CNTN4: variants seen among roughly 807,000 people sequenced by gnomAD.
CNTN4 encodes contactin-4.
In CNTN4, 77 loss-of-function variants were observed where a neutral mutation model predicts 122.5. The observed-to-expected ratio is 0.63, with a 90% CI of 0.52 to 0.76. The LOEUF (loss-of-function observed/expected upper bound fraction) is 0.76. CNTN4 is among the 30% of genes least tolerant of loss of function. CNTN4 has a pLI of 0.00. For synonymous variants in CNTN4, 512 were observed against 447.0 expected (o/e 1.15, Z -1.83); for missense variants, 1,256 against 1,259.1 (o/e 1.00, Z 0.04).
At chr3:2,750,168 C>A (rs541012225) in intron 6 of CNTN4, among the ~76,000 whole-genome samples, 1 of 152,310 alleles carries the variant, frequency 6.6e-6, no homozygotes, top group East Asian at 1.9e-4. Flanking sequence ...CAAGGAAAGG[C>A]AGTCTTCAGC....
chr3:3,037,967 GC>G (rs1238418828), intron 18 of CNTN4, among the ~76,000 whole-genome samples: 1 of 152,160 alleles, frequency 6.6e-6, no homozygotes, highest in Non-Finnish European at 1.5e-5. Context: ...AAAGCAAGAG[GC>G]CTACATGTGC....
chr3:2,635,311 G>C (rs1053803729), intron 4 of CNTN4, among the ~76,000 whole-genome samples: 1 of 152,126 alleles, frequency 6.6e-6, no homozygotes, highest in Non-Finnish European at 1.5e-5. Flanking sequence ...ATACCAAACT[G>C]TAATTGGAAA....
rs1251612485 is a variant in CNTN4 at position 2,322,311 on chromosome 3, T to C, written c.-144-16867T>C. Among the ~76,000 whole-genome samples the C allele has an allele frequency of 2.6e-5, 4 of 152,168 alleles. No individual in the cohort carries two copies. The East Asian group carries it at 5.8e-4, about 22-fold the overall frequency. ...ACCCACATGTCCATCAATGTGTGAA[T>C]GGATAAACAAAACATGGTGTAAACA... On this transcript the variant is annotated intron_variant, in intron 2 of 24. Coordinates refer to ENST00000418658, the MANE Select transcript of CNTN4 (RefSeq NM_175607.3).
Position 2,242,292 on chromosome 3 carries a change from A to G in CNTN4, c.-144-96886A>G, listed in dbSNP as rs144574781. 3.3e-5 allele frequency among the ~76,000 whole-genome samples: 5 copies of G among 152,238 alleles called. No homozygotes were observed. In the East Asian group the frequency reaches 9.7e-4, roughly 29 times the overall value. On this transcript the variant is annotated intron_variant, in intron 2 of 24. Coordinates refer to ENST00000418658, the MANE Select transcript of CNTN4 (RefSeq NM_175607.3). Reference sequence around the variant, plus strand: ...CCACTACCATGTCATAGAATGTACTATATGCATTCACGTGTTTCATCTGAT... The same window carrying G: ...CCACTACCATGTCATAGAATGTACTGTATGCATTCACGTGTTTCATCTGAT...
intron 3 of CNTN4, among the ~76,000 whole-genome samples, chr3:2,508,879 A>C (rs985976059): frequency 6.6e-6 from 1 of 152,128 alleles, no homozygotes; most frequent in African/African-American, 2.4e-5. Flanking sequence ...CATTTCCCAG[A>C]TTTAGATTTT....
intron 3 of CNTN4, among the ~76,000 whole-genome samples, chr3:2,457,669 C>T (rs2049050440): frequency 6.6e-6 from 1 of 152,242 alleles, no homozygotes; most frequent in South Asian, 2.1e-4. Context: ...ACTCCCAGGT[C>T]CTTTTCTCGT....
At chr3:2,967,255 G>T (rs1692415511) in intron 13 of CNTN4, among the ~76,000 whole-genome samples, 1 of 152,114 alleles carries the variant, frequency 6.6e-6, no homozygotes, top group Non-Finnish European at 1.5e-5. Flanking sequence ...AAAATCAGAT[G>T]AGCCAGTTTA....
At chr3:2,316,290 T>C (rs548632314) in intron 2 of CNTN4, among the ~76,000 whole-genome samples, 3 of 152,176 alleles carry the variant, frequency 2.0e-5, no homozygotes, top group African/African-American at 7.2e-5. Context: ...TGTCTGACAA[T>C]AAAATGTGTT....
intron 2 of CNTN4, among the ~76,000 whole-genome samples, chr3:2,229,996 T>G (rs1369277635): frequency 2.7e-5 from 4 of 150,640 alleles, no homozygotes; most frequent in South Asian, 4.2e-4. Context: ...AATTTTAATC[T>G]GTTCTTAACC....
intron 2 of CNTN4, among the ~76,000 whole-genome samples, chr3:2,297,738 TG>T (rs1186676355): frequency 6.6e-6 from 1 of 152,190 alleles, no homozygotes; most frequent in Non-Finnish European, 1.5e-5. Context: ...TGTTTTCTTT[TG>T]TTTTGTCTGA....
chr3:2,464,268 G>A (rs1245201422), intron 3 of CNTN4, among the ~76,000 whole-genome samples: 1 of 151,976 alleles, frequency 6.6e-6, no homozygotes, highest in Non-Finnish European at 1.5e-5. Flanking sequence ...TTCTTTTTTG[G>A]CCAGCTTGGC....
chr3:2,305,201 C>G (rs1227182811), intron 2 of CNTN4, among the ~76,000 whole-genome samples: 1 of 152,120 alleles, frequency 6.6e-6, no homozygotes, highest in Non-Finnish European at 1.5e-5. Context: ...TCTGATTCTA[C>G]TCTGGCCTGG....
At chr3:2,807,046 A>G (rs1029937761) in intron 6 of CNTN4, among the ~76,000 whole-genome samples, 17 of 152,142 alleles carry the variant, frequency 1.1e-4, no homozygotes, top group Middle Eastern at 3.4e-3. Flanking sequence ...GAGAAGAGAG[A>G]TTTTTGCTTT....
intron 6 of CNTN4, among the ~76,000 whole-genome samples, chr3:2,818,991 G>T (rs557918312): frequency 6.6e-6 from 1 of 152,302 alleles, no homozygotes; most frequent in East Asian, 1.9e-4. Context: ...GAAGTGAACA[G>T]AATTGTATCA....
At chr3:2,364,689 T>C (rs2045303369) in intron 3 of CNTN4, among the ~76,000 whole-genome samples, 1 of 152,070 alleles carries the variant, frequency 6.6e-6, no homozygotes, top group Non-Finnish European at 1.5e-5. Context: ...AAATTACAAG[T>C]AAAAGGAAAA....
At chr3:2,201,014 A>G (rs1018293141) in intron 2 of CNTN4, among the ~76,000 whole-genome samples, 1 of 152,186 alleles carries the variant, frequency 6.6e-6, no homozygotes, top group African/African-American at 2.4e-5. Context: ...GTGAGACTTT[A>G]GGGGGATTGT....
intron 3 of CNTN4, among the ~76,000 whole-genome samples, chr3:2,561,313 G>C (rs1331824452): frequency 6.6e-6 from 1 of 152,186 alleles, no homozygotes; most frequent in South Asian, 2.1e-4. Context: ...GAAAACAAAC[G>C]TGAGATGATT....
At chr3:2,612,501 A>AC (rs1386178782) in intron 4 of CNTN4, among the ~76,000 whole-genome samples, 1 of 152,118 alleles carries the variant, frequency 6.6e-6, no homozygotes, top group African/African-American at 2.4e-5. Context: ...TGGAACACAC[A>AC]CAGTTGCTTT....
At chr3:2,651,630 C>G (rs1453426507) in intron 4 of CNTN4, among the ~76,000 whole-genome samples, 1 of 152,062 alleles carries the variant, frequency 6.6e-6, no homozygotes, top group East Asian at 1.9e-4. Context: ...CCAGGAAGAT[C>G]GCTTGAGCCC....
Sources: allele counts gnomAD v4.1 joint callset (sites outside exome capture counted in the v4.1 genomes callset), GRCh38; gene constraint gnomAD v4.1.1; transcripts MANE v1.5; gene names NCBI Gene and HGNC (gene_info 2026-07-23, HGNC 2026-07-21).